The following WWOX variants were observed in gnomAD, a reference collection of about 807,000 sequenced individuals.
The protein encoded by WWOX is WW domain-containing oxidoreductase.
A neutral mutation model predicts 46.2 loss-of-function variants in WWOX; 69 were observed. The observed-to-expected ratio is 1.49, with a 90% CI of 1.23 to 1.82. The LOEUF is 1.82. WWOX is among the 40% of genes most tolerant of loss of function. The pLI, the probability that WWOX is intolerant of heterozygous loss-of-function variation, is 0.00. For missense variants in WWOX, 919 were observed against 542.6 expected (o/e 1.69, Z -6.89); for synonymous variants, 359 against 202.6 (o/e 1.77, Z -6.56).
chr16:78,445,461 G>T (rs1210843347), intron 8 of WWOX, among the ~76,000 whole-genome samples: 1 of 152,168 alleles, frequency 6.6e-6, no homozygotes, highest in East Asian at 1.9e-4. Context: ...TCCTCATGGG[G>T]ACCGTATGTT....
intron 8 of WWOX, among the ~76,000 whole-genome samples, chr16:78,593,734 AAAAG>A (rs1377180870): frequency 0.021 from 1,119 of 53,168 alleles, 8 homozygotes; most frequent in African/African-American, 0.066. Context: ...GTTAAAAAAA[AAAAG>A]AGAGAGAGAG....
At chr16:78,823,291 G>T (rs888934023) in intron 8 of WWOX, among the ~76,000 whole-genome samples, 1 of 152,198 alleles carries the variant, frequency 6.6e-6, no homozygotes, top group African/African-American at 2.4e-5. Context: ...CTGGCGGGTT[G>T]GGGGCTGCAG....
At chr16:78,105,675 G>C (rs1473323908) in intron 1 of WWOX, among the ~76,000 whole-genome samples, 1 of 152,176 alleles carries the variant, frequency 6.6e-6, no homozygotes, top group Non-Finnish European at 1.5e-5. Context: ...TGCGCCTGCT[G>C]TGGGCCAGGC....
At chr16:79,027,789 G>C (rs1597297682) in intron 8 of WWOX, among the ~76,000 whole-genome samples, 1 of 151,684 alleles carries the variant, frequency 6.6e-6, no homozygotes, top group Non-Finnish European at 1.5e-5. Flanking sequence ...TCTTGATATA[G>C]AAGCATTTCT....
chr16:78,557,938 C>G (rs1163431855), intron 8 of WWOX, among the ~76,000 whole-genome samples: 2 of 152,066 alleles, frequency 1.3e-5, no homozygotes, highest in Non-Finnish European at 2.9e-5. Flanking sequence ...CTCAGGTGAT[C>G]TGCCCACCTT....
At chr16:78,431,281 C>T (rs896173196) in intron 7 of WWOX, among the ~76,000 whole-genome samples, 15 of 152,206 alleles carry the variant, frequency 9.9e-5, no homozygotes, top group Non-Finnish European at 2.1e-4. Context: ...TGCCAGAACT[C>T]ATCTTGGCTT....
At chr16:78,742,659 C>G (rs543041464) in intron 8 of WWOX, among the ~76,000 whole-genome samples, 3 of 152,312 alleles carry the variant, frequency 2.0e-5, no homozygotes, top group African/African-American at 4.8e-5. Context: ...GGGGCTAAAA[C>G]TGTTTATGTC....
At chr16:78,798,841 C>A (rs566987952) in intron 8 of WWOX, among the ~76,000 whole-genome samples, 5 of 152,210 alleles carry the variant, frequency 3.3e-5, no homozygotes, top group Non-Finnish European at 7.4e-5. Context: ...ATATCAGATG[C>A]GGCCAATGTC....
At chr16:78,373,895 C>G (rs542782020) in intron 5 of WWOX, among the ~76,000 whole-genome samples, 3 of 152,044 alleles carry the variant, frequency 2.0e-5, no homozygotes, top group Non-Finnish European at 4.4e-5. Flanking sequence ...TCAAGCAATC[C>G]TCCCACCTCA....
chr16:79,155,054 G>C (rs1487669995), intron 8 of WWOX, among the ~76,000 whole-genome samples: 1 of 152,200 alleles, frequency 6.6e-6, no homozygotes, highest in Non-Finnish European at 1.5e-5. Context: ...GATTCTTCTA[G>C]ATTCTACAGC....
At chr16:78,440,483 G>A (rs1019181160) in intron 8 of WWOX, among the ~76,000 whole-genome samples, 3 of 152,156 alleles carry the variant, frequency 2.0e-5, no homozygotes, top group Non-Finnish European at 2.9e-5. Flanking sequence ...TTTCAGAACA[G>A]CCAGTGCCTA....
At chr16:78,531,217 T>G (rs942660680) in intron 8 of WWOX, among the ~76,000 whole-genome samples, 2 of 152,200 alleles carry the variant, frequency 1.3e-5, no homozygotes, top group East Asian at 3.9e-4. Flanking sequence ...ATGCAGACTC[T>G]TACATTCAGT....
chr16:78,828,909 C>T (rs1411953613), intron 8 of WWOX, among the ~76,000 whole-genome samples: 1 of 152,136 alleles, frequency 6.6e-6, no homozygotes, highest in Middle Eastern at 3.2e-3. Flanking sequence ...TAGTTTTCCC[C>T]CTTTTAGAGA....
intron 8 of WWOX, among the ~76,000 whole-genome samples, chr16:79,026,531 T>C (rs2047645294): frequency 6.6e-6 from 1 of 151,518 alleles, no homozygotes; most frequent in South Asian, 2.1e-4. Flanking sequence ...GACAATGATC[T>C]CTATCTAGAA....
At chr16:78,201,974 G>C (rs1309910994) in intron 5 of WWOX, among the ~76,000 whole-genome samples, 1 of 151,854 alleles carries the variant, frequency 6.6e-6, no homozygotes, top group Non-Finnish European at 1.5e-5. Flanking sequence ...GTGTAATCCT[G>C]GATTATAGGT....
intron 5 of WWOX, among the ~76,000 whole-genome samples, chr16:78,262,249 C>T (rs1015440442): frequency 6.6e-6 from 1 of 152,042 alleles, no homozygotes; most frequent in Admixed American, 6.5e-5. Flanking sequence ...AAATATATTT[C>T]GGTCTCTGTT....
At chr16:78,873,878 A>G (rs921580574) in intron 8 of WWOX, among the ~76,000 whole-genome samples, 4 of 152,096 alleles carry the variant, frequency 2.6e-5, no homozygotes, top group African/African-American at 9.7e-5. Context: ...GAGTATAGCG[A>G]GGGGCAATCA....
intron 8 of WWOX, among the ~76,000 whole-genome samples, chr16:78,798,784 A>C (rs1014303896): frequency 3.9e-5 from 6 of 152,212 alleles, no homozygotes; most frequent in African/African-American, 1.2e-4. Flanking sequence ...AAAGTAATAT[A>C]AACTGAAGGA....
chr16:78,945,818 G>C (rs548209269), intron 8 of WWOX, among the ~76,000 whole-genome samples: 1 of 152,002 alleles, frequency 6.6e-6, no homozygotes, highest in African/African-American at 2.4e-5. Flanking sequence ...TCTTTAGTTC[G>C]TATGGGTTGA....
Sources: gnomAD v4.1 joint callset for allele counts (sites outside exome capture counted in the v4.1 genomes callset) on GRCh38, gnomAD v4.1.1 for gene constraint, MANE v1.5 for transcripts, NCBI Gene and HGNC (gene_info 2026-07-23, HGNC 2026-07-21) for gene names.